ATP2B2: variants seen among roughly 807,000 people sequenced by gnomAD.
ATP2B2 encodes ATPase plasma membrane Ca2+ transporting 2.
A neutral mutation model predicts 120.0 loss-of-function variants in ATP2B2; 15 were observed. The observed-to-expected ratio is 0.12, with a 90% CI of 0.08 to 0.19. ATP2B2 has a LOEUF of 0.19. Ranked by LOEUF, ATP2B2 falls within the 10% of genes least tolerant of loss-of-function variation. The pLI is 1.00. For missense variants in ATP2B2, 1,045 were observed against 1,719.8 expected (o/e 0.61, Z 6.94); for synonymous variants, 694 against 700.3 (o/e 0.99, Z 0.14).
intron 2 of ATP2B2, among the ~76,000 whole-genome samples, chr3:10,568,060 C>T (rs1012888500): frequency 2.0e-5 from 3 of 152,222 alleles, no homozygotes; most frequent in Non-Finnish European, 4.4e-5. Flanking sequence ...CCCTTTGTGG[C>T]TGGAGCAGGC....
At chr3:10,511,639 A>C (rs1008243408) in intron 3 of ATP2B2, among the ~76,000 whole-genome samples, 1 of 152,138 alleles carries the variant, frequency 6.6e-6, no homozygotes, top group Admixed American at 6.5e-5. Context: ...CTCCACTCAG[A>C]TCCCACTGCC....
intron 1 of ATP2B2, among the ~76,000 whole-genome samples, chr3:10,648,167 G>A (rs35386216): frequency 0.28 from 43,102 of 152,060 alleles, 9,899 homozygotes; most frequent in African/African-American, 0.63. Context: ...CTTGAACTAG[G>A]TCACCACTGA....
At chr3:10,336,678 C>G (rs2060126005) in intron 22 of ATP2B2, among the ~76,000 whole-genome samples, 1 of 152,152 alleles carries the variant, frequency 6.6e-6, no homozygotes, top group South Asian at 2.1e-4. Context: ...CTGAGGTGGA[C>G]AGAGCTTGGC....
At chr3:10,401,963 T>A (rs1182530308) in intron 4 of ATP2B2, 128 bp downstream of exon 4, 30 of 1,476,614 alleles carry the variant, frequency 2.0e-5, no homozygotes, top group Non-Finnish European at 2.6e-5. Flanking sequence ...TCAGAAGACA[T>A]CTTGGTTTGG....
At chr3:10,534,087 G>A (rs568785910) in exon 3 of ATP2B2, 1 of 152,442 alleles carries the variant, frequency 6.6e-6, no homozygotes, top group Admixed American at 6.5e-5. Context: ...CTGGAAACTG[G>A]GGCCCATGTC....
intron 2 of ATP2B2, among the ~76,000 whole-genome samples, chr3:10,616,329 A>G (rs6772499): frequency 0.62 from 94,888 of 152,072 alleles, 30,446 homozygotes; most frequent in Middle Eastern, 0.72. Context: ...AGACATATTC[A>G]GAAGGTGAGG....
intron 1 of ATP2B2, among the ~76,000 whole-genome samples, chr3:10,501,345 T>C (rs1007318350): frequency 2.6e-5 from 4 of 151,390 alleles, no homozygotes; most frequent in Non-Finnish European, 5.9e-5. Context: ...CCCAGGAGTT[T>C]TCCATAGCAT....
intron 2 of ATP2B2, among the ~76,000 whole-genome samples, chr3:10,440,156 G>A (rs1211733686): frequency 1.4e-5 from 2 of 146,958 alleles, no homozygotes; most frequent in African/African-American, 2.5e-5. Flanking sequence ...CTGGTTCATG[G>A]TGGTGGGTGA....
chr3:10,603,518 T>A (rs2068979808), intron 2 of ATP2B2, among the ~76,000 whole-genome samples: 1 of 152,206 alleles, frequency 6.6e-6, no homozygotes, highest in African/African-American at 2.4e-5. Flanking sequence ...TGTGACACCG[T>A]CAATCTGCTT....
In ATP2B2 at chr3:10,644,443, A is replaced by T. The variant is rs183040706; in HGVS notation, c.-459-24482T>A. On this transcript the variant is annotated intron_variant, in intron 1 of 21. Transcript: ENST00000646379. ...AGAAAGAATTGAAAACAGGGACTCA[A>T]ACAAATATAGATACACATATGTTCA... 1.1e-4 allele frequency among the ~76,000 whole-genome samples: 16 copies of T among 152,332 alleles called. No individual in the cohort carries two copies. In the East Asian group the frequency reaches 2.9e-3, roughly 28 times the overall value.
chr3:10,414,475 G>A (rs1181832929), intron 2 of ATP2B2, among the ~76,000 whole-genome samples: 1 of 152,150 alleles, frequency 6.6e-6, no homozygotes, highest in Admixed American at 6.5e-5. Context: ...ATTAGGGAGT[G>A]GTAGAAACTG....
chr3:10,386,399 G>A (rs2061680692), intron 7 of ATP2B2, 81 bp downstream of exon 7: 1 of 1,482,518 alleles, frequency 6.7e-7, no homozygotes, highest in Admixed American at 1.7e-5. Context: ...CTGTGTGCTG[G>A]TGGTCTAGGG....
At chr3:10,450,049 T>C (rs1377763354) in intron 1 of ATP2B2, among the ~76,000 whole-genome samples, 187 bp from the exon 2 acceptor site, 1 of 152,120 alleles carries the variant, frequency 6.6e-6, no homozygotes, top group Non-Finnish European at 1.5e-5. Flanking sequence ...CTCCACGATA[T>C]GCCACCCTCA....
At chr3:10,418,792 C>T (rs192927954) in intron 2 of ATP2B2, among the ~76,000 whole-genome samples, 2 of 152,348 alleles carry the variant, frequency 1.3e-5, no homozygotes, top group South Asian at 2.1e-4. Context: ...CCCAAACTCT[C>T]CATCCACTGC....
At chr3:10,439,841 T>C (rs1017374272) in intron 2 of ATP2B2, among the ~76,000 whole-genome samples, 2 of 124,906 alleles carry the variant, frequency 1.6e-5, no homozygotes, top group African/African-American at 5.2e-5. Context: ...CTGCAATCTT[T>C]GCCTCCCGGG....
intron 10 of ATP2B2, among the ~76,000 whole-genome samples, chr3:10,377,781 C>T (rs1194540998): frequency 6.6e-6 from 1 of 152,238 alleles, no homozygotes. Context: ...ATGGCTCCCA[C>T]TGTCCTCAGG....
chr3:10,406,794 T>C (rs2062428246), intron 3 of ATP2B2, among the ~76,000 whole-genome samples: 1 of 152,214 alleles, frequency 6.6e-6, no homozygotes, highest in African/African-American at 2.4e-5. Flanking sequence ...CCCATCAACA[T>C]TGCCACTGAC....
intron 2 of ATP2B2, among the ~76,000 whole-genome samples, chr3:10,447,316 C>T (rs1364082289): frequency 6.6e-6 from 1 of 152,232 alleles, no homozygotes; most frequent in African/African-American, 2.4e-5. Context: ...AGCGGGCTCC[C>T]AGGAACCAGC....
At chr3:10,440,864 C>T (rs1462190188) in intron 2 of ATP2B2, among the ~76,000 whole-genome samples, 3 of 152,218 alleles carry the variant, frequency 2.0e-5, no homozygotes, top group Admixed American at 2.0e-4. Flanking sequence ...CCTCAATTTC[C>T]TCATCTGTAA....
Sources: gnomAD v4.1 joint callset for allele counts (sites outside exome capture counted in the v4.1 genomes callset) on GRCh38, gnomAD v4.1.1 for gene constraint, MANE v1.5 for transcripts, NCBI Gene and HGNC (gene_info 2026-07-23, HGNC 2026-07-21) for gene names.